Variants in MCM5 observed in about 807,000 individuals in gnomAD.
MCM5 encodes minichromosome maintenance complex component 5, also known as DNA replication licensing factor MCM5.
In MCM5, 46 loss-of-function variants were observed where a neutral mutation model predicts 79.9. The observed-to-expected ratio is 0.58, with a 90% CI of 0.45 to 0.74. The LOEUF is 0.74. Among genes scored for constraint, MCM5 ranks in the 30% least tolerant of loss-of-function variants. The probability of loss-of-function intolerance (pLI) is 0.00; values close to 1 mark genes in which losing one functional copy is unlikely to be tolerated. For synonymous variants in MCM5, 404 were observed against 390.5 expected (o/e 1.03, Z -0.41); for missense variants, 883 against 1,017.0 (o/e 0.87, Z 1.79).
At chr22:35,448,054 C>T in the MCM5 span, among the ~76,000 whole-genome samples, 1 of 152,200 alleles carries the variant, frequency 6.6e-6, no homozygotes, top group Non-Finnish European at 1.5e-5. Context: ...GGGGAACTGT[C>T]CCCTCCTCCC....
chr22:35,405,459 C>T (rs1932185538), intron 4 of MCM5, among the ~76,000 whole-genome samples: 1 of 152,018 alleles, frequency 6.6e-6, no homozygotes. Context: ...CCCTGCTTCC[C>T]CGGTTCAAGC....
At chr22:35,438,328 T>TAACCATCC in the MCM5 span, among the ~76,000 whole-genome samples, 2 of 134,882 alleles carry the variant, frequency 1.5e-5, no homozygotes, top group Non-Finnish European at 3.1e-5. Context: ...TCCGTCCATC[T>TAACCATCC]ATCCATCCAT....
rs1932283636 is a variant in MCM5 at position 35,408,512 on chromosome 22, A to G, written c.701A>G (p.Asp234Gly). ...FQTLKLQELP[D>G]AVPHGEMPRH... is the part of the protein sequence containing the mutation. ...ACCCTGAAGCTGCAGGAGCTGCCTG[A>G]TGCAGTCCCCCACGGGGAGATGCCC... Residue 234 changes from aspartate to glycine, a missense_variant, in exon 6 of 17, where the codon GAT (aspartate) becomes GGT (glycine). Physicochemically the swap from Asp to Gly is moderately conservative, Grantham distance 94. Coordinates refer to ENST00000216122, the MANE Select transcript of MCM5 (RefSeq NM_006739.4). The G allele has an allele frequency of 1.9e-6, 3 of 1,614,092 alleles. No individual in the cohort carries two copies. The highest frequency in any genetic ancestry group is 2.7e-5 in the African/African-American group (2 of 74,962).
intron 4 of MCM5, 88 bp from the exon 5 acceptor site, chr22:35,406,465 C>T: frequency 7.7e-7 from 1 of 1,300,194 alleles, no homozygotes; most frequent in Non-Finnish European, 1.1e-6. Flanking sequence ...CCACCTCCTC[C>T]AGGCTCCTGC....
At chr22:35,405,715 A>T (rs1229709524) in intron 4 of MCM5, among the ~76,000 whole-genome samples, 2 of 152,164 alleles carry the variant, frequency 1.3e-5, no homozygotes, top group African/African-American at 4.8e-5. Context: ...TCACACTTAA[A>T]AATTAACATT....
the MCM5 span, among the ~76,000 whole-genome samples, chr22:35,433,186 C>T: frequency 1.3e-5 from 2 of 152,142 alleles, no homozygotes; most frequent in African/African-American, 2.4e-5. Context: ...ATCTTCCTGC[C>T]TCCACCTCCT....
At chr22:35,412,203 CTA>C (rs1932402322) in intron 7 of MCM5, among the ~76,000 whole-genome samples, 1 of 152,228 alleles carries the variant, frequency 6.6e-6, no homozygotes, top group African/African-American at 2.4e-5. Flanking sequence ...GACCAAGACA[CTA>C]TATCACTCCT....
chr22:35,438,595 G>GTC, the MCM5 span, among the ~76,000 whole-genome samples: 1 of 45,270 alleles, frequency 2.2e-5, no homozygotes. Context: ...ATCCATCCAT[G>GTC]CATCCACCCA....
chr22:35,442,553 G>A, the MCM5 span, among the ~76,000 whole-genome samples: 4 of 152,154 alleles, frequency 2.6e-5, no homozygotes, highest in Non-Finnish European at 4.4e-5. Flanking sequence ...GCCTTTGCCA[G>A]CTTCCAGAGG....
In MCM5 at chr22:35,400,482, T is replaced by C; in HGVS notation, c.44T>C (p.Phe15Ser). The part of the protein sequence containing the change: ...DDPGIFYSDS[F>S]GGDAQADEGQ... Reference sequence around the variant, plus strand: ...CCTGGCATTTTCTACAGCGACAGCTTCGGGGGCGACGCCCAGGCCGACGAG... The same window carrying C: ...CCTGGCATTTTCTACAGCGACAGCTCCGGGGGCGACGCCCAGGCCGACGAG... The change falls in exon 2 of 17, where the codon TTC becomes TCC. Residue 15 changes from phenylalanine to serine, a missense_variant. This residue lies in a region of MCM5 where 455 missense variants were observed against 517.5 expected (regional missense o/e 0.88). Coordinates refer to ENST00000216122, the MANE Select transcript of MCM5 (RefSeq NM_006739.4). 2 of 1,614,038 alleles carry C rather than the reference T, an allele frequency of 1.2e-6. No individual in the cohort carries two copies. Among genetic ancestry groups the C allele is most frequent in the Non-Finnish European group, 1.7e-6 (2 of 1,179,946 alleles).
intron 2 of MCM5, among the ~76,000 whole-genome samples, chr22:35,402,329 T>G (rs1057014335): frequency 7.9e-5 from 12 of 151,654 alleles, no homozygotes; most frequent in African/African-American, 2.9e-4. Flanking sequence ...GTTTTGTTTT[T>G]TGTTTTTTTT....
intron 2 of MCM5, among the ~76,000 whole-genome samples, chr22:35,402,992 GCTTT>G: frequency 6.6e-6 from 1 of 152,224 alleles, no homozygotes; most frequent in East Asian, 1.9e-4. Flanking sequence ...CTTCCATGGA[GCTTT>G]CTTTAGGGCA....
At chr22:35,433,702 A>C in the MCM5 span, among the ~76,000 whole-genome samples, 5,627 of 152,254 alleles carry the variant, frequency 0.037, 121 homozygotes, top group Non-Finnish European at 0.048. Context: ...GCAAGGCTTC[A>C]TTTCTACTTT....
rs1555903443 is a variant in MCM5, at chr22:35,406,305, C to CCCA, written c.424-247_424-245dup. Among the ~76,000 whole-genome samples, 9 of 144,988 alleles carry CCCA rather than the reference C, an allele frequency of 6.2e-5. 2 individuals are homozygous for CCCA. The highest frequency in any genetic ancestry group is 1.4e-4 in the Non-Finnish European group (9 of 65,086). Reference sequence around the variant, plus strand: ...TATCTCTTGCCCTGCCACCTCCCCCCCCAATTGTGCTGCGAGGTCTTTAAA... The same window carrying CCCA: ...TATCTCTTGCCCTGCCACCTCCCCCCCCACCAATTGTGCTGCGAGGTCTTTAAA... On this transcript the variant is annotated intron_variant, in intron 4 of 16. Transcript: ENST00000216122.
Position 35,412,551 on chromosome 22 carries a change from G to C in MCM5, c.961G>C (p.Glu321Gln). Residue 321 changes from glutamate (E) to glutamine (Q), a missense_variant, in exon 8 of 17, where the codon GAG becomes CAG. Transcript: ENST00000216122. ...GGCCGTGAGCCCCCAGGAGGAGGAG[G>C]AGTTCCGTCGCCTGGCTGCCCTCCC... is the stretch of plus-strand genomic sequence containing the variant. Reference protein sequence around the residue: ...AGAVSPQEEEEFRRLAALPNV... With the variant: ...AGAVSPQEEEQFRRLAALPNV... 1 of 1,578,656 alleles carries C rather than the reference G, an allele frequency of 6.3e-7. No homozygotes were observed. The highest frequency in any genetic ancestry group is 1.2e-5 in the South Asian group (1 of 86,666).
intron 2 of MCM5, among the ~76,000 whole-genome samples, chr22:35,402,494 G>T (rs891213862): frequency 4.9e-5 from 7 of 144,170 alleles, no homozygotes; most frequent in Admixed American, 2.8e-4. Context: ...ACCCGGCTAG[G>T]TTTTTTTTTT....
intron 13 of MCM5, among the ~76,000 whole-genome samples, chr22:35,419,111 A>C (rs1298415381): frequency 6.6e-6 from 1 of 151,970 alleles, no homozygotes; most frequent in Non-Finnish European, 1.5e-5. Context: ...CTGGGTCTTC[A>C]TCCAAGTCTG....
At position 35,400,230 on chromosome 22, in the gene MCM5, C is replaced by T. The variant is rs929862443; in HGVS notation, c.-9+22C>T. The T allele has an allele frequency of 8.4e-6, 5 of 594,810 alleles. No homozygotes were observed. In the Admixed American group the frequency reaches 1.4e-4, roughly 17 times the overall value. 36.8% of individuals were successfully genotyped at this position (594,810 alleles called of 1,614,324 possible). Reference sequence around the variant, plus strand: ...AGAGGTGAGGCTAGTGGGAGTGGGACTGGGACTGGGAGCCAGCAGGCATCT... The same window carrying T: ...AGAGGTGAGGCTAGTGGGAGTGGGATTGGGACTGGGAGCCAGCAGGCATCT... On this transcript the variant is annotated intron_variant, in intron 1 of 16. Coordinates refer to ENST00000216122, the MANE Select transcript of MCM5 (RefSeq NM_006739.4).
the MCM5 span, among the ~76,000 whole-genome samples, chr22:35,430,833 T>C: frequency 6.6e-6 from 1 of 151,528 alleles, no homozygotes; most frequent in East Asian, 1.9e-4. Flanking sequence ...TCAGTCGTAT[T>C]TCCATGCAGG....
Sources: gnomAD v4.1 joint callset for allele counts (sites outside exome capture counted in the v4.1 genomes callset) on GRCh38, gnomAD v4.1.1 for gene constraint, gnomAD v4.1.1 regional missense constraint, MANE v1.5 for transcripts, NCBI Gene and HGNC (gene_info 2026-07-23, HGNC 2026-07-21) for gene names.